DNAJB11: variants seen among roughly 807,000 people sequenced by gnomAD.
DNAJB11 encodes dnaJ homolog subfamily B member 11.
Under a neutral mutation model 47.2 loss-of-function variants are expected in DNAJB11, and 30 were observed. The ratio of observed to expected loss-of-function variants is 0.64; its 90% CI spans 0.48 to 0.86. The LOEUF is 0.86. Among genes scored for constraint, DNAJB11 ranks in the 40% least tolerant of loss-of-function variants. The pLI is 0.00. For synonymous variants in DNAJB11, 151 were observed against 159.9 expected (o/e 0.94, Z 0.42); for missense variants, 357 against 440.2 (o/e 0.81, Z 1.69).
At position 186,570,784 on chromosome 3, in the gene DNAJB11, C is replaced by T. The variant is rs1053833012; in HGVS notation, c.-114C>T. 175 of 952,994 alleles carry T rather than the reference C, an allele frequency of 1.8e-4. 4 individuals carry two copies. In the East Asian group the frequency reaches 4.9e-3, roughly 27 times the overall value. The allele number at this position is 952,994 out of a possible 1,614,324, so 59.0% of individuals were successfully genotyped here. On this transcript the variant is annotated 5_prime_UTR_variant, in exon 1 of 10. Coordinates refer to ENST00000265028, the MANE Select transcript of DNAJB11 (RefSeq NM_016306.6). ...GCTGTCTCTGCGGACCAAGGAGACC[C>T]CCGCGCCCCCCCGGTGTGAGGCGGC...
chr3:186,584,647 GTGAGA>G, intron 9 of DNAJB11, 58 bp downstream of exon 9: 2 of 717,090 alleles, frequency 2.8e-6, no homozygotes, highest in African/African-American at 1.9e-5. Flanking sequence ...GTGTGTGTGT[GTGAGA>G]TGAGAAAAGG....
At chr3:186,584,205 A>G (rs1186655929) in intron 8 of DNAJB11, among the ~76,000 whole-genome samples, 1 of 152,170 alleles carries the variant, frequency 6.6e-6, no homozygotes, top group Non-Finnish European at 1.5e-5. Context: ...TATAGTTTCT[A>G]TTGACGAAAA....
At chr3:186,580,692 A>G (rs971282317) in intron 4 of DNAJB11, 6 of 152,260 alleles carry the variant, frequency 3.9e-5, no homozygotes, top group African/African-American at 1.4e-4. Flanking sequence ...AGCATTCGTC[A>G]TTCTGCTGCG....
chr3:186,571,057 A>G, intron 1 of DNAJB11, 92 bp downstream of exon 1: 1 of 1,153,676 alleles, frequency 8.7e-7, no homozygotes, highest in East Asian at 2.8e-5. Context: ...TGCCAGACTG[A>G]CGGAGTGGAG....
intron 6 of DNAJB11, 51 bp downstream of exon 6, chr3:186,582,128 C>A: frequency 7.2e-7 from 1 of 1,381,516 alleles, no homozygotes; most frequent in Non-Finnish European, 1.0e-6. Context: ...TTGCTCTCTG[C>A]TTGTTTGTGA....
intron 3 of DNAJB11, 60 bp downstream of exon 3, chr3:186,575,997 A>T: frequency 8.0e-7 from 1 of 1,255,042 alleles, no homozygotes; most frequent in Non-Finnish European, 1.2e-6. Context: ...TTAGCGATTA[A>T]AGAATTATTC....
intron 3 of DNAJB11, among the ~76,000 whole-genome samples, chr3:186,576,757 A>T (rs1715311656): frequency 6.6e-6 from 1 of 151,928 alleles, no homozygotes. Context: ...TGATTAGGAC[A>T]TCTTTTCCCC....
At chr3:186,571,037 G>GGGGGGGGGGGGGGGGGGGGGGT in intron 1 of DNAJB11, 72 bp downstream of exon 1, 1 of 940,410 alleles carries the variant, frequency 1.1e-6, no homozygotes, top group East Asian at 3.4e-5. Context: ...GGGGGTGGGG[G>GGGGGGGGGGGGGGGGGGGGGGT]AAGTGGCATT....
chr3:186,577,950 TC>T, intron 4 of DNAJB11, 150 bp downstream of exon 4: 1 of 577,564 alleles, frequency 1.7e-6, no homozygotes, highest in South Asian at 3.1e-5. Context: ...AATGCTTGGT[TC>T]ATGATACACT....
intron 2 of DNAJB11, among the ~76,000 whole-genome samples, chr3:186,574,473 G>GGT (rs1209073260): frequency 2.6e-5 from 4 of 151,540 alleles, no homozygotes; most frequent in Admixed American, 6.6e-5. Flanking sequence ...TAATAATAAG[G>GGT]GTTTTTTTTT....
chr3:186,571,677 T>C (rs1715062147), intron 1 of DNAJB11, among the ~76,000 whole-genome samples: 1 of 152,218 alleles, frequency 6.6e-6, no homozygotes, highest in Admixed American at 6.5e-5. Flanking sequence ...AAATCATCCT[T>C]TGAGAGTGTT....
chr3:186,579,200 A>G (rs1239501942), intron 4 of DNAJB11: 1 of 152,192 alleles, frequency 6.6e-6, no homozygotes, highest in Admixed American at 6.5e-5. Flanking sequence ...ATTCTGGAAA[A>G]TATGTCTCAT....
intron 9 of DNAJB11, 32 bp downstream of exon 9, chr3:186,584,621 G>GTGTGTGTGTGTA: frequency 6.6e-7 from 1 of 1,507,566 alleles, no homozygotes; most frequent in Non-Finnish European, 8.8e-7. Context: ...GTGTGTGTGT[G>GTGTGTGTGTGTA]TTTGTGTGTG....
In DNAJB11 at chr3:186,576,230, T is replaced by G. The variant is rs553942490; in HGVS notation, c.323+293T>G. On this transcript the variant is annotated intron_variant, in intron 3 of 9. Transcript: ENST00000265028. The stretch of plus-strand genomic sequence containing the variant: ...AATCAGTTCATCCTTGCCTACTTGC[T>G]ACCTTGCAATCTGCAAACCACTTAA... Among the ~76,000 whole-genome samples, 8 of 152,340 alleles carry G rather than the reference T, an allele frequency of 5.3e-5. No individual in the cohort carries two copies. The South Asian group carries it at 1.7e-3, about 32-fold the overall frequency.
rs1164467914 is a variant in DNAJB11 at position 186,585,776 on chromosome 3, C to T, written c.*368C>T. 3.8e-5 allele frequency: 6 copies of T among 159,724 alleles called. No homozygotes were observed. In the South Asian group the frequency reaches 5.5e-4, roughly 15 times the overall value. 9.9% of individuals were successfully genotyped at this position (159,724 alleles called of 1,614,324 possible). A position where few individuals can be genotyped will look rare whatever the true frequency, so the allele number is the denominator to read the frequency against. ...AACTGGAGAAGTCTGTTTTTAAATA[C>T]ATTTTGTTGTTATTTTTTTCATGAC... On this transcript the variant is annotated 3_prime_UTR_variant, in exon 10 of 10. Transcript: ENST00000265028.
chr3:186,581,432 A>C lies in DNAJB11; in HGVS notation c.518A>C (p.Gln173Pro). Residue 173 changes from glutamine (Q) to proline (P), a missense_variant, in exon 5 of 10, where the codon CAA becomes CCA. Gln to Pro is a moderately conservative substitution (Grantham distance 76). Transcript: ENST00000265028. ...GGCAAACGGAAGTGCAATTGTCGGCAAGAGATGCGGACCACCCAGCTGGGC... is the reference window on the plus strand; with the variant it reads ...GGCAAACGGAAGTGCAATTGTCGGCCAGAGATGCGGACCACCCAGCTGGGC... The part of the protein sequence containing the change: ...APGKRKCNCR[Q>P]EMRTTQLGPG... 6.2e-7 allele frequency: 1 copy of C among 1,613,970 alleles called. No individual in the cohort carries two copies. The highest frequency in any genetic ancestry group is 8.5e-7 in the Non-Finnish European group (1 of 1,179,994).
chr3:186,581,411 A>G lies in DNAJB11; in HGVS notation c.497A>G (p.Lys166Arg). 1 of 1,613,940 alleles carries G rather than the reference A, an allele frequency of 6.2e-7. No homozygotes were observed. Among genetic ancestry groups the G allele is most frequent in the Non-Finnish European group, 8.5e-7 (1 of 1,179,976 alleles). ...NKPVARQAPG[K>R]RKCNCRQEMR... The stretch of plus-strand genomic sequence containing the variant: ...CCTGTGGCAAGGCAGGCTCCTGGCA[A>G]ACGGAAGTGCAATTGTCGGCAAGAG... The change falls in exon 5 of 10, where the codon AAA (lysine) becomes AGA (arginine). Residue 166 changes from lysine to arginine, a missense_variant. Lys to Arg is a conservative substitution (Grantham distance 26). Transcript: ENST00000265028.
intron 1 of DNAJB11, 92 bp from the exon 2 acceptor site, chr3:186,572,003 C>A: frequency 8.5e-7 from 1 of 1,182,104 alleles, no homozygotes; most frequent in Non-Finnish European, 1.2e-6. Context: ...TGCTCAGATA[C>A]AAACCTAAAT....
chr3:186,575,729 C>A lies in DNAJB11; in HGVS notation c.226-111C>A, dbSNP rs184553938. On this transcript the variant is annotated intron_variant, in intron 2 of 9. Transcript: ENST00000265028. ...TACAGTACATAATGGAAACTGCATT[C>A]TATTAAAATTTTAGACCCACTGTCA... is the stretch of plus-strand genomic sequence containing the variant. 5.9e-5 allele frequency: 44 copies of A among 748,012 alleles called. 1 individual carries two copies. The East Asian group carries it at 1.1e-3, about 19-fold the overall frequency. 46.3% of individuals were successfully genotyped at this position (748,012 alleles called of 1,614,324 possible). A position where few individuals can be genotyped will look rare whatever the true frequency, so the allele number is the denominator to read the frequency against.
Sources: gnomAD v4.1 joint callset for allele counts (sites outside exome capture counted in the v4.1 genomes callset) on GRCh38, gnomAD v4.1.1 for gene constraint, MANE v1.5 for transcripts, NCBI Gene and HGNC (gene_info 2026-07-23, HGNC 2026-07-21) for gene names.